AATK: variants seen among roughly 807,000 people sequenced by gnomAD.
The protein encoded by AATK is lemur tail kinase 1.
A neutral mutation model predicts 114.3 loss-of-function variants in AATK; 91 were observed. The observed-to-expected ratio is 0.80, with a 90% CI of 0.67 to 0.95. AATK has a LOEUF of 0.95. Ranked by LOEUF, AATK falls within the 40% of genes least tolerant of loss-of-function variation. The probability of loss-of-function intolerance (pLI) is 0.00; values close to 1 mark genes in which losing one functional copy is unlikely to be tolerated. For synonymous variants in AATK, 1,075 were observed against 916.5 expected, an observed-to-expected ratio of 1.17 and a Z score of -3.12; for missense variants, 2,176 against 1,965.2, an observed-to-expected ratio of 1.11 and a Z score of -2.03.
chr17:81,119,222 C>G (rs1054047003), intron 13 of AATK, among the ~76,000 whole-genome samples, 158 bp downstream of exon 13: 3 of 103,036 alleles, frequency 2.9e-5, no homozygotes, highest in African/African-American at 1.2e-4. Context: ...GGGGTCCAGG[C>G]TAGGTCTGGG....
chr17:81,129,671 A>G (rs896630219), intron 3 of AATK, among the ~76,000 whole-genome samples: 22 of 152,288 alleles, frequency 1.4e-4, no homozygotes, highest in African/African-American at 4.6e-4. Context: ...CAGTCCCCAC[A>G]GCAATCCTCC....
At chr17:81,135,282 G>A (rs1037138143) in intron 1 of AATK, among the ~76,000 whole-genome samples, 4 of 152,146 alleles carry the variant, frequency 2.6e-5, no homozygotes, top group Non-Finnish European at 5.9e-5. Context: ...GAGGAAGCTC[G>A]GTCCATCTGC....
At chr17:81,165,680 A>G in intron 1 of AATK, 10 of 1,511,704 alleles carry the variant, frequency 6.6e-6, no homozygotes, top group Admixed American at 2.0e-5. Context: ...TGCCCCAGTT[A>G]CCTGTGCCCT....
intron 1 of AATK, among the ~76,000 whole-genome samples, chr17:81,152,527 T>C (rs2061311825): frequency 6.6e-6 from 1 of 152,158 alleles, no homozygotes; most frequent in Admixed American, 6.5e-5. Flanking sequence ...AAGGCTGCAG[T>C]GAGCCACCAT....
rs369684662 is a variant in AATK at position 81,122,797 on chromosome 17, A to T, written c.1139T>A (p.Leu380Gln). The T allele has an allele frequency of 6.3e-7, 1 of 1,579,136 alleles. No individual in the cohort carries two copies. The change falls in exon 11 of 14, where the codon CTG (leucine) becomes CAG (glutamine). Residue 380 changes from leucine to glutamine, a missense_variant. By Grantham distance (113) the Leu-to-Gln change is moderately radical (BLOSUM62 -2). Transcript: ENST00000326724. ...GGCTGTGGGCCGCTGCTCGGGCTGC[A>T]GCCAGCAGAACTGCATCACCTCGTA... is the stretch of plus-strand genomic sequence containing the variant. ...RWYEVMQFCW[L>Q]QPEQRPTAEE... is the part of the protein sequence containing the mutation.
chr17:81,154,511 G>C (rs901488241), intron 1 of AATK, among the ~76,000 whole-genome samples: 1 of 151,632 alleles, frequency 6.6e-6, no homozygotes, highest in Non-Finnish European at 1.5e-5. Context: ...GTAGAGATGG[G>C]TTTCACCATA....
In AATK at chr17:81,122,112, G is replaced by A. The variant is rs1213831437; in HGVS notation, c.1824C>T (p.Arg608=). 2 of 1,560,798 alleles carry A rather than the reference G, an allele frequency of 1.3e-6. No individual in the cohort carries two copies. The highest frequency in any genetic ancestry group is 1.7e-6 in the Non-Finnish European group (2 of 1,158,224). ...SLARDPLCPS[R]SPSPSAGPLS... ...GGGGCCCCGCCGAGGGCGAGGGAGA[G>A]CGTGAGGGGCAGAGCGGGTCCCGCG... The change falls in exon 11 of 14, where the codon CGC becomes CGT. Residue 608 remains arginine (R), a synonymous_variant. Coordinates refer to ENST00000326724, the MANE Select transcript of AATK (RefSeq NM_001080395.3).
chr17:81,158,292 T>C (rs1273691258), intron 1 of AATK, among the ~76,000 whole-genome samples: 1 of 152,216 alleles, frequency 6.6e-6, no homozygotes, highest in Admixed American at 6.5e-5. Context: ...CCGTCATTCA[T>C]CCCTGGGGCC....
At position 81,122,483 on chromosome 17, in the gene AATK, G is replaced by A. The variant is rs1319892200; in HGVS notation, c.1453C>T (p.Arg485Cys). Residue 485 changes from arginine to cysteine, a missense_variant, in exon 11 of 14, where the codon CGC (arginine) becomes TGC (cysteine). Physicochemically the swap from Arg to Cys is radical, Grantham distance 180 (BLOSUM62 -3). This residue lies in a region of AATK where 1,701 missense variants were observed against 1,394.7 expected (regional missense o/e 1.22). Transcript: ENST00000326724. The stretch of plus-strand genomic sequence containing the variant: ...GTGGCCGGGAAGGCCTCCGCGCCGC[G>A]GCCCGCCTCCCACTTGTACTCAAAA... The part of the protein sequence containing the change: ...LNFEYKWEAG[R>C]GAEAFPATLS... 3.4e-6 allele frequency: 5 copies of A among 1,456,602 alleles called. No homozygotes were observed. The South Asian group carries it at 3.8e-5, about 11-fold the overall frequency. 90.2% of individuals were successfully genotyped at this position (1,456,602 alleles called of 1,614,324 possible). A position where few individuals can be genotyped will look rare whatever the true frequency, so the allele number is the denominator to read the frequency against.
Position 81,142,730 on chromosome 17 carries a change from G to A in AATK, c.56-8229C>T, listed in dbSNP as rs534867379. ...GAGTCAGTCCCACCCTCCTGGGAGT[G>A]GCTTCTCACCTGTGAGCCTCCCTGA... On this transcript the variant is annotated intron_variant, in intron 1 of 13. Coordinates refer to ENST00000326724, the MANE Select transcript of AATK (RefSeq NM_001080395.3). Among the ~76,000 whole-genome samples the A allele has an allele frequency of 2.0e-5, 3 of 152,284 alleles. No individual in the cohort carries two copies. The South Asian group carries it at 6.2e-4, about 32-fold the overall frequency.
chr17:81,160,348 C>G (rs2061415977), intron 1 of AATK: 4 of 714,064 alleles, frequency 5.6e-6, no homozygotes, highest in Middle Eastern at 7.1e-4. Flanking sequence ...CCCCCTGACC[C>G]CAGGCCCCGG....
intron 1 of AATK, among the ~76,000 whole-genome samples, chr17:81,150,278 AT>A (rs909621868): frequency 1.3e-5 from 2 of 151,886 alleles, no homozygotes; most frequent in Non-Finnish European, 2.9e-5. Flanking sequence ...ACCTCAATAC[AT>A]TTTTTTAAGT....
In AATK at chr17:81,119,470, C is replaced by CGGGAGCGGGCGT; in HGVS notation, c.3993_3994insACGCCCGCTCCC (p.Pro1331_Ala1332insThrProAlaPro). On this transcript the variant is annotated inframe_insertion, in exon 13 of 14. Transcript: ENST00000326724. ...GACACCGTGAAGCGCGAGAAGGGAG[C>CGGGAGCGGGCGT]GGGCGTGGGCGTGGGCGCAGCCGGG... 1 of 1,505,690 alleles carries CGGGAGCGGGCGT rather than the reference C, an allele frequency of 6.6e-7. No individual in the cohort carries two copies. The allele number at this position is 1,505,690 out of a possible 1,614,324, so 93.3% of individuals were successfully genotyped here. A position where few individuals can be genotyped will look rare whatever the true frequency, so the allele number is the denominator to read the frequency against.
At chr17:81,119,900 C>A in intron 12 of AATK, 36 bp downstream of exon 12, 1 of 1,410,974 alleles carries the variant, frequency 7.1e-7, no homozygotes, top group South Asian at 1.6e-5. Context: ...GCCCTGCCTC[C>A]CGTGACGTCA....
At chr17:81,151,419 G>GA (rs11403513) in intron 1 of AATK, among the ~76,000 whole-genome samples, 115,735 of 151,502 alleles carry the variant, frequency 0.76, 44,871 homozygotes, top group East Asian at 0.97. Flanking sequence ...GGGCTGGGGG[G>GA]ACCGTGGCCG....
rs1031992831 is a variant in AATK, at chr17:81,126,028, C to G, written c.755+399G>C. On this transcript the variant is annotated intron_variant, in intron 7 of 13. Transcript: ENST00000326724. This position sits in a 1 kb window ranked among gnomAD's most constrained non-coding sequence, Gnocchi z 5.1. ...TTCCAGCATGTCCCCCCGGGGTCCCCAGGGGCTGGGCATCCTGGCCCAAGC... is the reference window on the plus strand; with the variant it reads ...TTCCAGCATGTCCCCCCGGGGTCCCGAGGGGCTGGGCATCCTGGCCCAAGC... 7.9e-5 allele frequency: 38 copies of G among 480,952 alleles called. No individual in the cohort carries two copies. The highest frequency in any genetic ancestry group is 2.3e-4 in the Admixed American group (10 of 42,692). The allele number at this position is 480,952 out of a possible 1,614,324, so 29.8% of individuals were successfully genotyped here.
At position 81,119,330 on chromosome 17, in the gene AATK, G is replaced by A. The variant is rs537038565; in HGVS notation, c.4084+50C>T. On this transcript the variant is annotated intron_variant, in intron 13 of 13. Coordinates refer to ENST00000326724, the MANE Select transcript of AATK (RefSeq NM_001080395.3). ...GGAGGGGCCCCACCCTCGGAGCTCC[G>A]TGCCCTGCCTCCCGCGTGCCCTTCT... The A allele has an allele frequency of 5.3e-5, 80 of 1,505,888 alleles. 2 individuals are homozygous for A. In the South Asian group the frequency reaches 6.5e-4, roughly 12 times the overall value. The allele number at this position is 1,505,888 out of a possible 1,614,324, so 93.3% of individuals were successfully genotyped here.
intron 1 of AATK, among the ~76,000 whole-genome samples, chr17:81,146,167 C>CAAAAAAAAAAAAA (rs2061216196): frequency 7.1e-6 from 1 of 141,440 alleles, no homozygotes. Context: ...CCAGCCTAGG[C>CAAAAAAAAAAAAA]AAGAGAGCGA....
chr17:81,140,663 G>A, intron 1 of AATK, among the ~76,000 whole-genome samples: 1 of 144,488 alleles, frequency 6.9e-6, no homozygotes, highest in African/African-American at 2.6e-5. Context: ...GGGGACCGTG[G>A]GGCCGTGGGG....
Sources: allele counts gnomAD v4.1 joint callset (sites outside exome capture counted in the v4.1 genomes callset), GRCh38; gene constraint gnomAD v4.1.1; regional missense constraint gnomAD v4.1.1; non-coding constraint Gnocchi (gnomAD v3.1); transcripts MANE v1.5; gene names NCBI Gene and HGNC (gene_info 2026-07-23, HGNC 2026-07-21).